Variants in TSBP1 observed in about 807,000 individuals in gnomAD.
The protein encoded by TSBP1 is testis-expressed basic protein 1.
In TSBP1, 56 loss-of-function variants were observed where a neutral mutation model predicts 68.8. The ratio of observed to expected loss-of-function variants is 0.81; its 90% CI spans 0.66 to 1.02. TSBP1 has a LOEUF of 1.02. TSBP1 is among the 50% of genes least tolerant of loss of function. The pLI, the probability that TSBP1 is intolerant of heterozygous loss-of-function variation, is 0.00. For missense variants in TSBP1, 502 were observed against 641.2 expected (o/e 0.78, Z 2.34); for synonymous variants, 171 against 208.7 (o/e 0.82, Z 1.56).
chr6:32,367,939 T>C (rs1441103733), exon 4 of TSBP1: 5 of 1,611,210 alleles, frequency 3.1e-6, no homozygotes, highest in Non-Finnish European at 4.2e-6. Context: ...ACCATCCTCA[T>C]AGTCCAGAAG....
In TSBP1 at chr6:32,316,346, GA is replaced by G; in HGVS notation, c.560-555del. 1 of 1,507,992 alleles carries G rather than the reference GA, an allele frequency of 6.6e-7. No individual in the cohort carries two copies. The highest frequency in any genetic ancestry group is 2.3e-5 in the East Asian group (1 of 43,034). 93.4% of individuals were successfully genotyped at this position (1,507,992 alleles called of 1,614,324 possible). A position where few individuals can be genotyped will look rare whatever the true frequency, so the allele number is the denominator to read the frequency against. The stretch of plus-strand genomic sequence containing the variant: ...CAAATCACTTTGACAGAAGTGAAGT[GA>G]AGGGGACCAAAGAGAACCAAAGTAG... On this transcript the variant is annotated intron_variant, in intron 18 of 22. Coordinates refer to ENST00000612031, the Ensembl canonical transcript of TSBP1. The surrounding 1 kb of genome is among the most constrained non-coding windows in gnomAD (Gnocchi z 4.5).
chr6:32,329,883 C>T (rs75052715), intron 16 of TSBP1, among the ~76,000 whole-genome samples: 2 of 151,840 alleles, frequency 1.3e-5, no homozygotes, highest in Non-Finnish European at 2.9e-5. Flanking sequence ...ACACCAGTTT[C>T]TCCCTAGCTC....
chr6:32,368,689 G>A, intron 3 of TSBP1, 93 bp downstream of exon 3: 1 of 1,353,510 alleles, frequency 7.4e-7, no homozygotes, highest in East Asian at 2.4e-5. Flanking sequence ...CAAGGTTCTG[G>A]AAACACAACT....
intron 22 of TSBP1, among the ~76,000 whole-genome samples, chr6:32,295,631 A>G (rs1467348732): frequency 6.6e-6 from 1 of 152,130 alleles, no homozygotes; most frequent in Non-Finnish European, 1.5e-5. Context: ...AGTAGTAGCT[A>G]CCTCAAAGAG....
chr6:32,319,059 C>T (rs1374843044), intron 18 of TSBP1, among the ~76,000 whole-genome samples: 2 of 152,064 alleles, frequency 1.3e-5, no homozygotes, highest in East Asian at 1.9e-4. Flanking sequence ...ATTAATTAGT[C>T]CTAAATATCC....
Position 32,366,163 on chromosome 6 carries a change from T to G in TSBP1, c.217+4A>C. 1 of 1,602,314 alleles carries G rather than the reference T, an allele frequency of 6.2e-7. No individual in the cohort carries two copies. Among genetic ancestry groups the G allele is most frequent in the Non-Finnish European group, 8.5e-7 (1 of 1,175,750 alleles). ...ATTTTACAAAAATCTCTACATATAC[T>G]TACCTCGGTTATCATATGAAGTGTC... is the stretch of plus-strand genomic sequence containing the variant. On this transcript the variant is annotated splice_donor_region_variant and intron_variant, in intron 6 of 22. Coordinates refer to ENST00000612031, the Ensembl canonical transcript of TSBP1.
In TSBP1 at chr6:32,366,079, T is replaced by C. The variant is rs1290836511; in HGVS notation, c.217+88A>G. The C allele has an allele frequency of 1.2e-5, 18 of 1,547,494 alleles. 1 individual carries two copies. In the East Asian group the frequency reaches 4.1e-4, roughly 35 times the overall value. The stretch of plus-strand genomic sequence containing the variant: ...CTTTGATTTCTTCTTCTTTTTTAAA[T>C]TTTGGTCAGTTTTTATAGCCTTTTA... On this transcript the variant is annotated intron_variant, in intron 6 of 22. Coordinates refer to ENST00000612031, the Ensembl canonical transcript of TSBP1.
At chr6:32,334,653 G>A (rs1230238754) in intron 14 of TSBP1, among the ~76,000 whole-genome samples, 1 of 152,116 alleles carries the variant, frequency 6.6e-6, no homozygotes, top group Non-Finnish European at 1.5e-5. Flanking sequence ...GACATTATAG[G>A]GATCACTCAA....
At chr6:32,363,244 C>G (rs1282775187) in intron 6 of TSBP1, among the ~76,000 whole-genome samples, 3 of 152,032 alleles carry the variant, frequency 2.0e-5, no homozygotes, top group South Asian at 2.1e-4. Context: ...CCTTTACTTT[C>G]ATTCTATATG....
chr6:32,322,186 G>C (rs1433236786), intron 18 of TSBP1, among the ~76,000 whole-genome samples: 2 of 152,200 alleles, frequency 1.3e-5, no homozygotes, highest in Non-Finnish European at 2.9e-5. Flanking sequence ...TGGAAAGGTA[G>C]GACATAGTGT....
intron 8 of TSBP1, among the ~76,000 whole-genome samples, chr6:32,354,543 C>T (rs1263677129): frequency 6.6e-6 from 1 of 152,084 alleles, no homozygotes; most frequent in Non-Finnish European, 1.5e-5. Flanking sequence ...CATAAATGCT[C>T]ATATACAATG....
chr6:32,348,304 C>A (rs969893), intron 9 of TSBP1, among the ~76,000 whole-genome samples: 64,026 of 151,846 alleles, frequency 0.42, 14,391 homozygotes, highest in African/African-American at 0.55. Flanking sequence ...AAGTTAGATG[C>A]AAACAAAGTA....
chr6:32,293,521 C>T (rs780791775), exon 23 of TSBP1: 1 of 1,612,038 alleles, frequency 6.2e-7, no homozygotes, highest in Non-Finnish European at 8.5e-7. Flanking sequence ...ACTGACTCTT[C>T]TTTACTTGGG....
At chr6:32,293,996 T>A in exon 23 of TSBP1, 1 of 1,611,944 alleles carries the variant, frequency 6.2e-7, no homozygotes, top group South Asian at 1.1e-5. Context: ...GGAACAAGAT[T>A]TTTTTGCAAG....
At chr6:32,310,410 C>T (rs9268198) in intron 19 of TSBP1, among the ~76,000 whole-genome samples, 31,890 of 151,638 alleles carry the variant, frequency 0.21, 3,534 homozygotes, top group East Asian at 0.22. Flanking sequence ...TCTTTTAATT[C>T]TCTCTTATCA....
intron 19 of TSBP1, among the ~76,000 whole-genome samples, chr6:32,308,616 A>AAAAT (rs9281733): frequency 3.2e-5 from 3 of 92,664 alleles, no homozygotes; most frequent in Middle Eastern, 4.3e-3. Context: ...AAAAAAAAAA[A>AAAAT]TTTTGCTTTT....
At chr6:32,352,939 G>T (rs147053349) in intron 8 of TSBP1, 1 of 151,736 alleles carries the variant, frequency 6.6e-6, no homozygotes, top group African/African-American at 2.4e-5. Context: ...AGCGTGGCCC[G>T]TGTGTAAGGA....
intron 16 of TSBP1, 48 bp downstream of exon 17, chr6:32,330,539 CTG>C (rs1347676290): frequency 6.4e-7 from 1 of 1,570,016 alleles, no homozygotes; most frequent in South Asian, 1.1e-5. Context: ...CCTCTAGACA[CTG>C]TAGAAGATCA....
Position 32,323,125 on chromosome 6 carries a change from GC to G in TSBP1, c.550del (p.Ala184HisfsTer3). ...AGAGATGTTATACTTACTTATGGGTGCCATGGGTGGACCTAAAAACCAAAGT... is the reference window on the plus strand; with the variant it reads ...AGAGATGTTATACTTACTTATGGGTGCATGGGTGGACCTAAAAACCAAAGT... On this transcript the variant is annotated frameshift_variant, in exon 18 of 23. Coordinates refer to ENST00000612031, the Ensembl canonical transcript of TSBP1. LOFTEE classifies it high-confidence loss of function. The G allele has an allele frequency of 6.3e-7, 1 of 1,582,116 alleles. No individual in the cohort carries two copies. The highest frequency in any genetic ancestry group is 8.7e-7 in the Non-Finnish European group (1 of 1,153,452).
Sources: allele counts gnomAD v4.1 joint callset (sites outside exome capture counted in the v4.1 genomes callset), GRCh38; gene constraint gnomAD v4.1.1; non-coding constraint Gnocchi (gnomAD v3.1); transcripts MANE v1.5; gene names NCBI Gene and HGNC (gene_info 2026-07-23, HGNC 2026-07-21).